The following OXR1 variants were observed in gnomAD, a reference collection of about 807,000 sequenced individuals.
OXR1 encodes oxidation resistance protein 1.
A neutral mutation model predicts 104.6 loss-of-function variants in OXR1; 41 were observed. That is an observed-to-expected ratio of 0.39 (90% CI 0.31 to 0.51). The LOEUF (loss-of-function observed/expected upper bound fraction) is 0.51, where lower values mean the gene tolerates loss of function less well. OXR1 is among the 20% of genes least tolerant of loss of function. The pLI, the probability that OXR1 is intolerant of heterozygous loss-of-function variation, is 0.77. For missense variants in OXR1, 955 were observed against 1,031.9 expected, an observed-to-expected ratio of 0.93 and a Z score of 1.02; for synonymous variants, 348 against 348.4, an observed-to-expected ratio of 1.00 and a Z score of 0.01.
At chr8:106,346,291 C>G (rs1413048601) in intron 1 of OXR1, among the ~76,000 whole-genome samples, 1 of 152,054 alleles carries the variant, frequency 6.6e-6, no homozygotes, top group Non-Finnish European at 1.5e-5. Context: ...ATTGTGGAGG[C>G]GATAGTAAAC....
intron 2 of OXR1, among the ~76,000 whole-genome samples, chr8:106,406,119 C>T (rs1010312972): frequency 4.6e-5 from 7 of 152,214 alleles, no homozygotes; most frequent in Admixed American, 1.3e-4. Context: ...TATCTTACCC[C>T]GACCTAATCT....
intron 2 of OXR1, among the ~76,000 whole-genome samples, chr8:106,452,179 A>G (rs1287405609): frequency 6.6e-6 from 1 of 152,206 alleles, no homozygotes; most frequent in Non-Finnish European, 1.5e-5. Flanking sequence ...ATGGTAAATT[A>G]AATATGATAC....
chr8:106,487,729 A>G (rs1229236144), intron 2 of OXR1, among the ~76,000 whole-genome samples: 4 of 151,112 alleles, frequency 2.6e-5, no homozygotes, highest in Non-Finnish European at 5.9e-5. Context: ...AATTTCATCC[A>G]TGTCCCTACA....
chr8:106,377,792 C>T (rs561212081), intron 2 of OXR1, among the ~76,000 whole-genome samples: 1 of 152,252 alleles, frequency 6.6e-6, no homozygotes, highest in Non-Finnish European at 1.5e-5. Context: ...CTAAACATGT[C>T]AATTGCTTTA....
At chr8:106,547,978 G>A (rs979026681) in intron 3 of OXR1, among the ~76,000 whole-genome samples, 1 of 152,078 alleles carries the variant, frequency 6.6e-6, no homozygotes, top group Non-Finnish European at 1.5e-5. Context: ...GTTCATTTGG[G>A]TATATACCCA....
chr8:106,500,322 AACCCAGC>A (rs1324605482), intron 2 of OXR1, among the ~76,000 whole-genome samples: 1 of 152,218 alleles, frequency 6.6e-6, no homozygotes, highest in Non-Finnish European at 1.5e-5. Context: ...GCCTGGCCTA[AACCCAGC>A]AGTTAAAAAT....
intron 2 of OXR1, among the ~76,000 whole-genome samples, chr8:106,511,035 C>T (rs1812489198): frequency 6.6e-6 from 1 of 152,170 alleles, no homozygotes; most frequent in African/African-American, 2.4e-5. Flanking sequence ...AATAGTATGG[C>T]CACTGCAATT....
chr8:106,332,323 G>C (rs995500326), intron 1 of OXR1, among the ~76,000 whole-genome samples: 1 of 152,070 alleles, frequency 6.6e-6, no homozygotes, highest in Non-Finnish European at 1.5e-5. Flanking sequence ...TATCTTAAAT[G>C]TTATGAACAC....
chr8:106,518,875 A>G lies in OXR1; in HGVS notation c.24-68A>G, dbSNP rs190603507. ...AATATAACTCAATTGTTGAAAAAAA[A>G]TTATAAACATGGAACAAATGTGTCT... On this transcript the variant is annotated intron_variant, in intron 2 of 16. Coordinates refer to ENST00000517566, the MANE Select transcript of OXR1 (RefSeq NM_001198533.2). 3.8e-4 allele frequency: 458 copies of G among 1,213,306 alleles called. 2 individuals carry two copies. Among genetic ancestry groups the G allele is most frequent in the Non-Finnish European group, 4.8e-4 (421 of 884,382 alleles). 75.2% of individuals were successfully genotyped at this position (1,213,306 alleles called of 1,614,324 possible).
intron 3 of OXR1, among the ~76,000 whole-genome samples, chr8:106,548,621 T>G (rs1815560611): frequency 6.6e-6 from 1 of 152,220 alleles, no homozygotes; most frequent in South Asian, 2.1e-4. Flanking sequence ...GTTTACACTC[T>G]CTTGCTCAAC....
chr8:106,311,486 T>C (rs2130133234), intron 1 of OXR1, among the ~76,000 whole-genome samples: 1 of 152,332 alleles, frequency 6.6e-6, no homozygotes, highest in African/African-American at 2.4e-5. Context: ...AAACTATCAT[T>C]AATTCTAGGT....
At chr8:106,285,336 T>C (rs770211858) in intron 1 of OXR1, among the ~76,000 whole-genome samples, 23 of 152,210 alleles carry the variant, frequency 1.5e-4, no homozygotes, top group Middle Eastern at 3.4e-3. Context: ...AATGAGAAAA[T>C]TTTGTCTGCA....
chr8:106,690,040 C>T, intron 6 of OXR1, among the ~76,000 whole-genome samples: 1 of 150,732 alleles, frequency 6.6e-6, no homozygotes, highest in Non-Finnish European at 1.5e-5. Flanking sequence ...AAATTAAAGA[C>T]ACTAATATCT....
In OXR1 at chr8:106,447,780, T is replaced by C. The variant is rs991346434; in HGVS notation, c.24-71163T>C. ...GAGTCATCGTATTTAATAACCTCCTTCGTTGTACACACCGAACGGCATATT... is the reference window on the plus strand; with the variant it reads ...GAGTCATCGTATTTAATAACCTCCTCCGTTGTACACACCGAACGGCATATT... On this transcript the variant is annotated intron_variant, in intron 2 of 16. Coordinates refer to ENST00000517566, the MANE Select transcript of OXR1 (RefSeq NM_001198533.2). 3.3e-5 allele frequency: 24 copies of C among 729,712 alleles called. No individual in the cohort carries two copies. The Admixed American group carries it at 6.7e-4, about 20-fold the overall frequency. 45.2% of individuals were successfully genotyped at this position (729,712 alleles called of 1,614,324 possible).
At chr8:106,694,910 T>TATATATATTTATATATATATAAATATA (rs1829799369) in intron 7 of OXR1, among the ~76,000 whole-genome samples, 1 of 75,860 alleles carries the variant, frequency 1.3e-5, no homozygotes, top group Admixed American at 1.3e-4. Context: ...TTTATCTATT[T>TATATATATTTATATATATATAAATATA]ACATATTTAT....
intron 3 of OXR1, chr8:106,605,334 G>C (rs1820287309): frequency 6.6e-6 from 1 of 152,112 alleles, no homozygotes; most frequent in Non-Finnish European, 1.5e-5. Context: ...TCTGGTTTCT[G>C]TCTTAGGTCT....
intron 2 of OXR1, among the ~76,000 whole-genome samples, chr8:106,472,969 A>G (rs77234884): frequency 0.02 from 3,049 of 151,936 alleles, 62 homozygotes; most frequent in East Asian, 0.086. Flanking sequence ...TTTCTCCATC[A>G]TTCTTTTTTT....
At chr8:106,586,065 T>C (rs1219210603) in intron 3 of OXR1, among the ~76,000 whole-genome samples, 1 of 152,188 alleles carries the variant, frequency 6.6e-6, no homozygotes, top group Non-Finnish European at 1.5e-5. Context: ...GAGCAATGAT[T>C]TGGCAAATCT....
At chr8:106,500,293 C>G (rs760850304) in intron 2 of OXR1, among the ~76,000 whole-genome samples, 1 of 152,190 alleles carries the variant, frequency 6.6e-6, no homozygotes, top group South Asian at 2.1e-4. Flanking sequence ...GCGCCAGGCC[C>G]GAAACCAGGC....
Sources: gnomAD v4.1 joint callset for allele counts (sites outside exome capture counted in the v4.1 genomes callset) on GRCh38, gnomAD v4.1.1 for gene constraint, MANE v1.5 for transcripts, NCBI Gene and HGNC (gene_info 2026-07-23, HGNC 2026-07-21) for gene names.